FAM3B: variants seen among roughly 807,000 people sequenced by gnomAD.
FAM3B encodes FAM3 metabolism regulating signaling molecule B.
A neutral mutation model predicts 28.4 loss-of-function variants in FAM3B; 29 were observed. The ratio of observed to expected loss-of-function variants is 1.02; its 90% CI spans 0.76 to 1.39. The LOEUF (loss-of-function observed/expected upper bound fraction) is 1.39. Ranked by LOEUF, FAM3B falls within the 40% of genes most tolerant of loss-of-function variation. FAM3B has a pLI of 0.00. For missense variants in FAM3B, 266 were observed against 293.9 expected, an observed-to-expected ratio of 0.91 and a Z score of 0.69; for synonymous variants, 91 against 103.0, an observed-to-expected ratio of 0.88 and a Z score of 0.71.
chr21:41,319,256 G>A (rs1376342774), intron 1 of FAM3B, among the ~76,000 whole-genome samples: 1 of 152,160 alleles, frequency 6.6e-6, no homozygotes, highest in Non-Finnish European at 1.5e-5. Context: ...TGAGAGTGGG[G>A]ATTGGCTGGG....
Position 41,326,670 on chromosome 21 carries a change from C to A in FAM3B, c.163+3604C>A, listed in dbSNP as rs2088857257. 6.6e-6 allele frequency among the ~76,000 whole-genome samples: 1 copy of A among 152,224 alleles called. No individual in the cohort carries two copies. The highest frequency in any genetic ancestry group is 1.5e-5 in the Non-Finnish European group (1 of 68,036). ...CCGTAGGGGAAGTCCCTGGGGAGAG[C>A]ATCCCTATGGGACCCCCACAATGGC... On this transcript the variant is annotated intron_variant, in intron 2 of 7. Transcript: ENST00000357985. This position sits in a 1 kb window ranked among gnomAD's most constrained non-coding sequence, Gnocchi z 4.0.
chr21:41,346,876 A>G (rs2089065407), intron 5 of FAM3B, 137 bp from the exon 6 acceptor site: 2 of 733,188 alleles, frequency 2.7e-6, no homozygotes, highest in Non-Finnish European at 2.4e-6. Context: ...CACCATCTGC[A>G]GGGTTGAGCA....
In FAM3B at chr21:41,326,800, C is replaced by A. The variant is rs960913340; in HGVS notation, c.163+3734C>A. ...TAGGCCTGTGTACCCTGAGCCCCAG[C>A]CCCTGAGGCAGGAGGAGGAACAGGA... On this transcript the variant is annotated intron_variant, in intron 2 of 7. Transcript: ENST00000357985. The surrounding 1 kb of genome is among the most constrained non-coding windows in gnomAD (Gnocchi z 4.0). Among the ~76,000 whole-genome samples, 3 of 152,230 alleles carry A rather than the reference C, an allele frequency of 2.0e-5. No individual in the cohort carries two copies. Among genetic ancestry groups the A allele is most frequent in the African/African-American group, 7.2e-5 (3 of 41,460 alleles).
At chr21:41,327,610 T>G (rs2088865619) in intron 2 of FAM3B, among the ~76,000 whole-genome samples, 1 of 152,250 alleles carries the variant, frequency 6.6e-6, no homozygotes, top group Non-Finnish European at 1.5e-5. Context: ...GTCTGCATAT[T>G]TGTAGATTTC....
intron 1 of FAM3B, among the ~76,000 whole-genome samples, chr21:41,310,223 A>C (rs548793049): frequency 6.6e-6 from 1 of 151,770 alleles, no homozygotes; most frequent in Admixed American, 6.6e-5. Context: ...GGCTATGTTC[A>C]CAATGAGCCT....
intron 1 of FAM3B, chr21:41,304,402 G>GTCGCC (rs2088670250): frequency 9.5e-6 from 4 of 421,472 alleles, no homozygotes; most frequent in South Asian, 6.7e-5. Context: ...GCCCGAGGGA[G>GTCGCC]TCGCCCCCGA....
chr21:41,322,735 G>A, intron 1 of FAM3B, 188 bp from the exon 2 acceptor site: 1 of 767,066 alleles, frequency 1.3e-6, no homozygotes, highest in South Asian at 1.5e-5. Flanking sequence ...TGTATTCTCT[G>A]ATACTGTCTA....
Position 41,316,815 on chromosome 21 carries a change from G to T in FAM3B, c.-65G>T. 1 of 1,414,314 alleles carries T rather than the reference G, an allele frequency of 7.1e-7. No homozygotes were observed. 87.6% of individuals were successfully genotyped at this position (1,414,314 alleles called of 1,614,324 possible). ...CCGCCCCTTGCCTTCCTGACCCAGG[G>T]GCTCCGCTGGCTGCGGTCGCCTGGG... On this transcript the variant is annotated 5_prime_UTR_variant, in exon 1 of 8. Coordinates refer to ENST00000357985, the MANE Select transcript of FAM3B (RefSeq NM_058186.4).
In FAM3B at chr21:41,322,977, G is replaced by A. The variant is rs564190600; in HGVS notation, c.74G>A (p.Gly25Glu). 6.2e-7 allele frequency: 1 copy of A among 1,612,698 alleles called. No homozygotes were observed. The highest frequency in any genetic ancestry group is 1.7e-5 in the Admixed American group (1 of 60,028). The change falls in exon 2 of 8, where the codon GGG becomes GAG. Residue 25 changes from glycine (G) to glutamate (E), a missense_variant. Transcript: ENST00000357985. ...VFASLCAWYSGYLLAELIPDA... is the reference protein window; with the variant it reads ...VFASLCAWYSEYLLAELIPDA... ...GCCTCCTTGTGTGCCTGGTATTCGGGGTACCTGCTCGCAGAGCTCATTCCA... is the reference window on the plus strand; with the variant it reads ...GCCTCCTTGTGTGCCTGGTATTCGGAGTACCTGCTCGCAGAGCTCATTCCA...
intron 7 of FAM3B, among the ~76,000 whole-genome samples, chr21:41,350,809 C>G (rs185784273): frequency 7.4e-4 from 112 of 152,346 alleles, no homozygotes; most frequent in African/African-American, 2.4e-3. Context: ...CTGCTCCTTC[C>G]CCGGCTCTTA....
chr21:41,352,695 G>A (rs1601377022), intron 7 of FAM3B, among the ~76,000 whole-genome samples: 1 of 152,132 alleles, frequency 6.6e-6, no homozygotes, highest in African/African-American at 2.4e-5. Flanking sequence ...TCAGGAGGCT[G>A]AGGCAGGAGA....
intron 2 of FAM3B, among the ~76,000 whole-genome samples, chr21:41,323,487 AG>A (rs2088828361): frequency 6.6e-6 from 1 of 152,246 alleles, no homozygotes; most frequent in Admixed American, 6.5e-5. Context: ...TGTGAAAGAA[AG>A]GGCAGACATT....
chr21:41,354,803 A>T (rs1217141820), intron 7 of FAM3B, among the ~76,000 whole-genome samples: 1 of 150,908 alleles, frequency 6.6e-6, no homozygotes, highest in Non-Finnish European at 1.5e-5. Context: ...TACCTATGGA[A>T]CAAACCTGCA....
intron 7 of FAM3B, among the ~76,000 whole-genome samples, chr21:41,353,962 A>G (rs1164666202): frequency 3.3e-5 from 5 of 152,228 alleles, no homozygotes; most frequent in Admixed American, 2.0e-4. Flanking sequence ...AAAATATCCC[A>G]TTAAAAAGAC....
At chr21:41,311,251 A>AAAAAAAT (rs1555866518) in intron 1 of FAM3B, among the ~76,000 whole-genome samples, 2 of 35,078 alleles carry the variant, frequency 5.7e-5, no homozygotes, top group African/African-American at 1.2e-4. Context: ...AAAAAAAAAA[A>AAAAAAAT]ATATATATAT....
At chr21:41,354,059 G>A (rs1190321083) in intron 7 of FAM3B, among the ~76,000 whole-genome samples, 1 of 152,180 alleles carries the variant, frequency 6.6e-6, no homozygotes, top group Non-Finnish European at 1.5e-5. Flanking sequence ...CTGATCCTTA[G>A]AGAAATGCAC....
chr21:41,339,923 T>A (rs1043905593), intron 3 of FAM3B, among the ~76,000 whole-genome samples: 11 of 152,016 alleles, frequency 7.2e-5, no homozygotes, highest in African/African-American at 2.7e-4. Context: ...CTGGAGACCT[T>A]GAGATGCTGG....
chr21:41,350,179 C>T (rs2089104101), intron 7 of FAM3B, among the ~76,000 whole-genome samples: 1 of 152,176 alleles, frequency 6.6e-6, no homozygotes, highest in Non-Finnish European at 1.5e-5. Flanking sequence ...TCTCTGGGCT[C>T]CAGCTTTCCT....
chr21:41,347,106 T>A lies in FAM3B; in HGVS notation c.485+6T>A, dbSNP rs2145828709. 6.2e-7 allele frequency: 1 copy of A among 1,613,492 alleles called. No individual in the cohort carries two copies. Among genetic ancestry groups the A allele is most frequent in the East Asian group, 2.2e-5 (1 of 44,856 alleles). On this transcript the variant is annotated splice_donor_region_variant and intron_variant, in intron 6 of 7. Coordinates refer to ENST00000357985, the MANE Select transcript of FAM3B (RefSeq NM_058186.4). Reference sequence around the variant, plus strand: ...TATGACGACGGAAGCACAAGGTGAGTGGGTGTAGGTCTGTCACAGCGGTGG... The same window carrying A: ...TATGACGACGGAAGCACAAGGTGAGAGGGTGTAGGTCTGTCACAGCGGTGG...
Sources: allele counts gnomAD v4.1 joint callset (sites outside exome capture counted in the v4.1 genomes callset), GRCh38; gene constraint gnomAD v4.1.1; non-coding constraint Gnocchi (gnomAD v3.1); transcripts MANE v1.5; gene names NCBI Gene and HGNC (gene_info 2026-07-23, HGNC 2026-07-21).